Variants in ZMAT5 observed in about 807,000 individuals in gnomAD.
ZMAT5 encodes the protein zinc finger matrin-type 5.
In ZMAT5, 23 loss-of-function variants were observed where a neutral mutation model predicts 28.0. The ratio of observed to expected loss-of-function variants is 0.82; its 90% confidence interval spans 0.59 to 1.16. ZMAT5 has a LOEUF of 1.16. ZMAT5 is among the 50% of genes most tolerant of loss of function. ZMAT5 has a pLI of 0.00. For missense variants in ZMAT5, 173 were observed against 212.7 expected, an observed-to-expected ratio of 0.81 and a Z score of 1.16; for synonymous variants, 76 against 84.1, an observed-to-expected ratio of 0.90 and a Z score of 0.52.
At chr22:29,749,465 G>A (rs1446958017) in intron 1 of ZMAT5, among the ~76,000 whole-genome samples, 17 of 151,844 alleles carry the variant, frequency 1.1e-4, no homozygotes, top group Admixed American at 8.5e-4. Context: ...GCCACCTCCC[G>A]GCCTTTGCAC....
chr22:29,760,375 CAAAAA>C (rs131280), intron 1 of ZMAT5, among the ~76,000 whole-genome samples: 2 of 98,476 alleles, frequency 2.0e-5, no homozygotes, highest in South Asian at 3.8e-4. Context: ...TCCTCTGTCT[CAAAAA>C]AAAAAAAAAA....
intron 1 of ZMAT5, among the ~76,000 whole-genome samples, chr22:29,765,330 A>T (rs1490818480): frequency 1.3e-5 from 2 of 152,048 alleles, no homozygotes; most frequent in Non-Finnish European, 2.9e-5. Context: ...GAGGCATGAG[A>T]ATTGCTTGAA....
chr22:29,751,785 A>G (rs555796663), intron 1 of ZMAT5, among the ~76,000 whole-genome samples: 1 of 152,266 alleles, frequency 6.6e-6, no homozygotes, highest in African/African-American at 2.4e-5. Context: ...TGGGCAATAG[A>G]GTGAAACCCC....
At chr22:29,765,784 C>T (rs941580312) in intron 1 of ZMAT5, among the ~76,000 whole-genome samples, 25 of 152,316 alleles carry the variant, frequency 1.6e-4, no homozygotes, top group African/African-American at 6.0e-4. Context: ...AGGAGAATCA[C>T]TTGAACCCGG....
intron 5 of ZMAT5, among the ~76,000 whole-genome samples, chr22:29,735,227 A>T (rs1412679155): frequency 1.3e-5 from 2 of 152,206 alleles, no homozygotes; most frequent in African/African-American, 4.8e-5. Context: ...CCAAGGCAGC[A>T]ATGGCAAAAG....
chr22:29,752,827 G>A (rs1179313693), intron 1 of ZMAT5, among the ~76,000 whole-genome samples: 1 of 152,242 alleles, frequency 6.6e-6, no homozygotes, highest in Non-Finnish European at 1.5e-5. Context: ...ACAGTCGAGA[G>A]CCACCGCACC....
At chr22:29,752,113 A>C (rs752229625) in intron 1 of ZMAT5, among the ~76,000 whole-genome samples, 4 of 152,182 alleles carry the variant, frequency 2.6e-5, no homozygotes, top group Non-Finnish European at 4.4e-5. Flanking sequence ...ACTGAGGCCC[A>C]GACAGGTGCC....
In ZMAT5 at chr22:29,755,789, T is replaced by C. The variant is rs1305688524; in HGVS notation, c.-27-7218A>G. On this transcript the variant is annotated intron_variant, in intron 1 of 5. Transcript: ENST00000344318. ...ACGTCTCATCATCCTGAGCTGCCAG[T>C]GGGCCAGGGTGCCATGGACCCCCAC... Among the ~76,000 whole-genome samples the C allele has an allele frequency of 4.6e-5, 7 of 152,188 alleles. No individual in the cohort carries two copies. In the East Asian group the frequency reaches 1.3e-3, roughly 29 times the overall value.
chr22:29,741,475 C>T (rs1419991085), intron 3 of ZMAT5, among the ~76,000 whole-genome samples: 1 of 152,212 alleles, frequency 6.6e-6, no homozygotes, highest in Non-Finnish European at 1.5e-5. Context: ...TGTGAATCAT[C>T]ATAGTTTTCC....
intron 2 of ZMAT5, chr22:29,747,035 C>T (rs1357160935): frequency 1.3e-5 from 2 of 152,150 alleles, no homozygotes; most frequent in Admixed American, 6.5e-5. Context: ...TCAGCTCCCT[C>T]AAGTGAAATG....
At chr22:29,754,637 G>A (rs766234180) in intron 1 of ZMAT5, among the ~76,000 whole-genome samples, 40 of 152,172 alleles carry the variant, frequency 2.6e-4, no homozygotes, top group Admixed American at 5.9e-4. Context: ...TTGGGAGGCC[G>A]AGGTGGGAGG....
At chr22:29,765,236 T>C (rs935852622) in intron 1 of ZMAT5, among the ~76,000 whole-genome samples, 3 of 151,898 alleles carry the variant, frequency 2.0e-5, no homozygotes, top group Non-Finnish European at 1.5e-5. Flanking sequence ...CTGGCCAACA[T>C]GGTGAAACCT....
chr22:29,742,696 C>T (rs1271046279), intron 2 of ZMAT5, among the ~76,000 whole-genome samples: 1 of 152,188 alleles, frequency 6.6e-6, no homozygotes, highest in African/African-American at 2.4e-5. Flanking sequence ...TCCATCCCAC[C>T]CCACGCAGGA....
intron 1 of ZMAT5, among the ~76,000 whole-genome samples, chr22:29,760,304 C>CGGAG (rs1039172530): frequency 6.7e-6 from 1 of 149,332 alleles, no homozygotes; most frequent in African/African-American, 2.5e-5. Context: ...ACCTGAGAGG[C>CGGAG]GGAGCTTGCA....
At chr22:29,735,742 G>A (rs1444587342) in intron 5 of ZMAT5, among the ~76,000 whole-genome samples, 1 of 152,200 alleles carries the variant, frequency 6.6e-6, no homozygotes, top group Non-Finnish European at 1.5e-5. Context: ...AACACTGTAA[G>A]CACCAAACTC....
At chr22:29,743,760 T>C (rs899148575) in intron 2 of ZMAT5, among the ~76,000 whole-genome samples, 3 of 152,270 alleles carry the variant, frequency 2.0e-5, no homozygotes, top group Admixed American at 1.3e-4. Context: ...ATAGGTATGG[T>C]TTTAAATTTG....
At chr22:29,740,022 G>A (rs2067946707) in intron 4 of ZMAT5, among the ~76,000 whole-genome samples, 1 of 152,222 alleles carries the variant, frequency 6.6e-6, no homozygotes, top group Non-Finnish European at 1.5e-5. Context: ...CCAACCTGCT[G>A]GGGGGCTCAC....
chr22:29,740,805 G>C, intron 3 of ZMAT5, 75 bp from the exon 4 acceptor site: 1 of 1,371,784 alleles, frequency 7.3e-7, no homozygotes, highest in Non-Finnish European at 1.0e-6. Context: ...CCAGATGAGG[G>C]ATCCCAGAAT....
intron 5 of ZMAT5, 109 bp from the exon 6 acceptor site, chr22:29,731,463 C>A: frequency 7.0e-7 from 1 of 1,424,760 alleles, no homozygotes; most frequent in Admixed American, 3.4e-5. Flanking sequence ...GGTCAGCTGC[C>A]TGCATGACTT....
Sources: gnomAD v4.1 joint callset for allele counts (sites outside exome capture counted in the v4.1 genomes callset) on GRCh38, gnomAD v4.1.1 for gene constraint, MANE v1.5 for transcripts, NCBI Gene and HGNC (gene_info 2026-07-23, HGNC 2026-07-21) for gene names.